PAPPA2: variants seen among roughly 807,000 people sequenced by gnomAD.
PAPPA2 encodes the protein pappalysin-2.
Under a neutral mutation model 176.4 loss-of-function variants are expected in PAPPA2, and 86 were observed. The ratio of observed to expected loss-of-function variants is 0.49; its 90% CI spans 0.41 to 0.58. The LOEUF is 0.58. PAPPA2 is among the 20% of genes least tolerant of loss of function. PAPPA2 has a pLI of 0.00. For synonymous variants in PAPPA2, 809 were observed against 852.2 expected, an observed-to-expected ratio of 0.95 and a Z score of 0.88; for missense variants, 2,073 against 2,256.9, an observed-to-expected ratio of 0.92 and a Z score of 1.65.
chr1:176,479,783 C>T (rs1286306553), intron 1 of PAPPA2, among the ~76,000 whole-genome samples: 2 of 152,108 alleles, frequency 1.3e-5, no homozygotes, highest in Non-Finnish European at 2.9e-5. Context: ...TAGGAAATTC[C>T]CTTCTCCAAG....
At chr1:176,624,903 G>C (rs1008247438) in intron 3 of PAPPA2, among the ~76,000 whole-genome samples, 2 of 152,188 alleles carry the variant, frequency 1.3e-5, no homozygotes, top group Non-Finnish European at 2.9e-5. Flanking sequence ...AGGAGGGCAG[G>C]CAGGAGAGTG....
At chr1:176,634,017 T>C (rs1370568658) in intron 3 of PAPPA2, among the ~76,000 whole-genome samples, 2 of 152,174 alleles carry the variant, frequency 1.3e-5, no homozygotes, top group Non-Finnish European at 2.9e-5. Context: ...AGTTCAACCA[T>C]TGTGGAAGAC....
chr1:176,477,701 C>T (rs567507936), intron 1 of PAPPA2, among the ~76,000 whole-genome samples: 6 of 151,846 alleles, frequency 4.0e-5, no homozygotes, highest in African/African-American at 1.2e-4. Flanking sequence ...GCCGAGATTG[C>T]GCCACTGCAC....
chr1:176,768,185 C>G (rs1571299026), intron 15 of PAPPA2, among the ~76,000 whole-genome samples: 1 of 152,166 alleles, frequency 6.6e-6, no homozygotes, highest in East Asian at 1.9e-4. Flanking sequence ...TTCTAGGTCT[C>G]CAGGTCCTGC....
chr1:176,577,560 C>G (rs1652723407), intron 2 of PAPPA2, among the ~76,000 whole-genome samples: 1 of 152,148 alleles, frequency 6.6e-6, no homozygotes, highest in African/African-American at 2.4e-5. Context: ...TCTAGAACAG[C>G]TGAAAAACAC....
chr1:176,684,004 C>T lies in PAPPA2; in HGVS notation c.2138-6133C>T, dbSNP rs185658205. Among the ~76,000 whole-genome samples the T allele has an allele frequency of 5.7e-3, 860 of 152,026 alleles. 16 individuals carry two copies. The highest frequency in any genetic ancestry group is 0.017 in the South Asian group (84 of 4,810). Reference sequence around the variant, plus strand: ...TTTTCTAAGCTAATGTGGTAGTGGTCGTGTTGGTAGTATGAGAGCAAGGGT... The same window carrying T: ...TTTTCTAAGCTAATGTGGTAGTGGTTGTGTTGGTAGTATGAGAGCAAGGGT... On this transcript the variant is annotated intron_variant, in intron 4 of 22. Transcript: ENST00000367662.
Position 176,699,317 on chromosome 1 carries a change from G to A in PAPPA2, c.2964G>A (p.Leu988=). Reference sequence around the variant, plus strand: ...TCCTCTTTGACACAGAGATCTTGCTGGAAAACAAGGAGTCAGTGCACCTGG... The same window carrying A: ...TCCTCTTTGACACAGAGATCTTGCTAGAAAACAAGGAGTCAGTGCACCTGG... ...SQVLFDTEIL[L]ENKESVHLGP... is the part of the protein sequence containing the mutation. The change falls in exon 8 of 23, where the codon CTG becomes CTA. Residue 988 remains leucine (L), a synonymous_variant. Transcript: ENST00000367662. The A allele has an allele frequency of 6.2e-7, 1 of 1,614,160 alleles. No homozygotes were observed. The highest frequency in any genetic ancestry group is 8.5e-7 in the Non-Finnish European group (1 of 1,180,024).
intron 3 of PAPPA2, among the ~76,000 whole-genome samples, chr1:176,634,184 G>A (rs376608222): frequency 6.6e-6 from 1 of 152,162 alleles, no homozygotes; most frequent in South Asian, 2.1e-4. Flanking sequence ...CAAAGACTTG[G>A]AACCAACCCA....
At chr1:176,774,900 C>T (rs1664388440) in intron 17 of PAPPA2, among the ~76,000 whole-genome samples, 1 of 152,186 alleles carries the variant, frequency 6.6e-6, no homozygotes, top group Non-Finnish European at 1.5e-5. Flanking sequence ...TTAGCATAGG[C>T]TCTAATACTA....
intron 1 of PAPPA2, among the ~76,000 whole-genome samples, chr1:176,466,479 T>C (rs1332168622): frequency 7.2e-5 from 11 of 152,176 alleles, no homozygotes. Context: ...ATATTAAATA[T>C]TAATATTAGT....
Position 176,594,882 on chromosome 1 carries a change from G to A in PAPPA2, c.1278G>A (p.Leu426=), listed in dbSNP as rs771788154. The change falls in exon 3 of 23, where the codon CTG becomes CTA. Residue 426 remains leucine (L), a synonymous_variant. Transcript: ENST00000367662. ...GHYFRGHLGT[L]VFWSTALPQS... is the part of the protein sequence containing the mutation. ...ATTTCCGTGGACACCTGGGCACACT[G>A]GTTTTCTGGTCGACCGCCCTGCCAC... 6.2e-7 allele frequency: 1 copy of A among 1,614,114 alleles called. No individual in the cohort carries two copies. The highest frequency in any genetic ancestry group is 1.3e-5 in the African/African-American group (1 of 74,940).
rs569838298 is a variant in PAPPA2 at position 176,532,596 on chromosome 1, C to T, written c.-916-22811C>T. 1.7e-4 allele frequency among the ~76,000 whole-genome samples: 26 copies of T among 152,344 alleles called. No homozygotes were observed. The South Asian group carries it at 3.7e-3, about 22-fold the overall frequency. The stretch of plus-strand genomic sequence containing the variant: ...GGGAAGTCTTACGTGTATACCCTTC[C>T]TGGGTACTCACCTTTAATCACAACA... On this transcript the variant is annotated intron_variant, in intron 1 of 22. Coordinates refer to ENST00000367662, the MANE Select transcript of PAPPA2 (RefSeq NM_020318.3).
intron 14 of PAPPA2, among the ~76,000 whole-genome samples, chr1:176,753,535 C>G (rs927488689): frequency 9.1e-5 from 13 of 142,312 alleles, no homozygotes; most frequent in African/African-American, 3.4e-4. Flanking sequence ...TTGATAGCCT[C>G]AAGATGTGAA....
intron 14 of PAPPA2, among the ~76,000 whole-genome samples, chr1:176,752,362 AAAAC>A (rs1273600776): frequency 7.9e-5 from 12 of 151,406 alleles, no homozygotes; most frequent in African/African-American, 2.2e-4. Context: ...AAAAAAAAAA[AAAAC>A]ATTTACCATT....
intron 12 of PAPPA2, among the ~76,000 whole-genome samples, chr1:176,712,597 A>C (rs940025991): frequency 1.3e-5 from 2 of 152,146 alleles, no homozygotes; most frequent in Admixed American, 6.5e-5. Flanking sequence ...ATATTGATGA[A>C]TATTTGGATT....
chr1:176,806,965 C>A (rs1341980512), intron 21 of PAPPA2, among the ~76,000 whole-genome samples: 1 of 152,162 alleles, frequency 6.6e-6, no homozygotes, highest in African/African-American at 2.4e-5. Flanking sequence ...TCTGTTAGTA[C>A]TTCCTTCCTT....
At chr1:176,679,591 A>G (rs1659479708) in intron 4 of PAPPA2, among the ~76,000 whole-genome samples, 1 of 152,174 alleles carries the variant, frequency 6.6e-6, no homozygotes, top group African/African-American at 2.4e-5. Context: ...TTCTCTTTTC[A>G]CAGGGCATGA....
At chr1:176,799,987 T>G in intron 20 of PAPPA2, 74 bp from the exon 21 acceptor site, 2 of 1,475,424 alleles carry the variant, frequency 1.4e-6, no homozygotes, top group South Asian at 2.3e-5. Context: ...TGTGGTGAGC[T>G]CAGGATTTGC....
chr1:176,695,505 CTTAG>C (rs1177089912), intron 6 of PAPPA2, among the ~76,000 whole-genome samples: 1 of 152,078 alleles, frequency 6.6e-6, no homozygotes, highest in Non-Finnish European at 1.5e-5. Flanking sequence ...TCTTTTATGA[CTTAG>C]TTAATTTTTT....
Sources: allele counts gnomAD v4.1 joint callset (sites outside exome capture counted in the v4.1 genomes callset), GRCh38; gene constraint gnomAD v4.1.1; transcripts MANE v1.5; gene names NCBI Gene and HGNC (gene_info 2026-07-23, HGNC 2026-07-21).